Variants in PLCB3 observed in about 807,000 individuals in gnomAD.
PLCB3 encodes 1-phosphatidylinositol 4,5-bisphosphate phosphodiesterase beta-3.
A neutral mutation model predicts 152.1 loss-of-function variants in PLCB3; 54 were observed. The observed-to-expected ratio is 0.36, with a 90% CI of 0.29 to 0.45. The LOEUF (loss-of-function observed/expected upper bound fraction) is 0.45, where lower values mean the gene tolerates loss of function less well. Among genes scored for constraint, PLCB3 ranks in the 20% least tolerant of loss-of-function variants. The pLI, the probability that PLCB3 is intolerant of heterozygous loss-of-function variation, is 1.00. For missense variants in PLCB3, 1,248 were observed against 1,687.5 expected, an observed-to-expected ratio of 0.74 and a Z score of 4.56; for synonymous variants, 717 against 698.7, an observed-to-expected ratio of 1.03 and a Z score of -0.41.
In PLCB3 at chr11:64,251,530, A is replaced by G. The variant is rs1591095909; in HGVS notation, c.-120A>G. ...GCCGAGGCTCTGGTCGGTCCGGGAC[A>G]GACTGGCGGGCGGGCGGGCACTGAC... On this transcript the variant is annotated 5_prime_UTR_variant, in exon 1 of 31. Coordinates refer to ENST00000279230, the MANE Select transcript of PLCB3 (RefSeq NM_000932.5). 1 of 263,928 alleles carries G rather than the reference A, an allele frequency of 3.8e-6. No homozygotes were observed. The highest frequency in any genetic ancestry group is 6.1e-5 in the Admixed American group (1 of 16,494). 16.3% of individuals were successfully genotyped at this position (263,928 alleles called of 1,614,324 possible). A position where few individuals can be genotyped will look rare whatever the true frequency, so the allele number is the denominator to read the frequency against.
At chr11:64,253,457 G>A (rs559431004) in intron 1 of PLCB3, among the ~76,000 whole-genome samples, 13 of 152,316 alleles carry the variant, frequency 8.5e-5, no homozygotes, top group Admixed American at 5.9e-4. Flanking sequence ...GGCGGTGTGC[G>A]TATATGAGAT....
chr11:64,251,811 C>T, intron 1 of PLCB3, 63 bp downstream of exon 1: 1 of 990,068 alleles, frequency 1.0e-6, no homozygotes, highest in South Asian at 2.5e-5. Flanking sequence ...CTCGACCAGA[C>T]GCTGGGGACC....
chr11:64,266,356 A>G lies in PLCB3; in HGVS notation c.3308A>G (p.His1103Arg). ...ELQKILDRKRHNSISEAKMRD... is the reference protein window; with the variant it reads ...ELQKILDRKRRNSISEAKMRD... ...CAGAAGATCCTGGACAGAAAGCGCC[A>G]TAACAGCATCTCGGAGGCCAAGATG... is the stretch of plus-strand genomic sequence containing the variant. The change falls in exon 28 of 31, where the codon CAT becomes CGT. Residue 1103 changes from histidine to arginine, a missense_variant. This residue lies in a region of PLCB3 where 477 missense variants were observed against 489.6 expected (regional missense o/e 0.97). Coordinates refer to ENST00000279230, the MANE Select transcript of PLCB3 (RefSeq NM_000932.5). The surrounding 1 kb of genome is among the most constrained non-coding windows in gnomAD (Gnocchi z 4.9). The G allele has an allele frequency of 6.2e-7, 1 of 1,613,180 alleles. No individual in the cohort carries two copies. Among genetic ancestry groups the G allele is most frequent in the East Asian group, 2.2e-5 (1 of 44,844 alleles).
chr11:64,266,678 A>G lies in PLCB3; in HGVS notation c.3414+126A>G. On this transcript the variant is annotated intron_variant, in intron 29 of 30. Coordinates refer to ENST00000279230, the MANE Select transcript of PLCB3 (RefSeq NM_000932.5). The surrounding 1 kb of genome is among the most constrained non-coding windows in gnomAD (Gnocchi z 4.9). ...TTCTAGGGCCTTTCTCAAGTGCCCA[A>G]CAGCCCCAGGGTACCCACATCATAC... is the stretch of plus-strand genomic sequence containing the variant. 1 of 891,850 alleles carries G rather than the reference A, an allele frequency of 1.1e-6. No individual in the cohort carries two copies. The allele number at this position is 891,850 out of a possible 1,614,324, so 55.2% of individuals were successfully genotyped here. A position where few individuals can be genotyped will look rare whatever the true frequency, so the allele number is the denominator to read the frequency against.
Position 64,266,182 on chromosome 11 carries a change from G to A in PLCB3, c.3246G>A (p.Arg1082=), listed in dbSNP as rs2032111632. The part of the protein sequence containing the change: ...VLDANTTQFK[R]LKEMNEREKK... Reference sequence around the variant, plus strand: ...ATGCAAACACAACTCAGTTCAAGAGGCTGAAAGAGATGAACGAGAGGTGAA... The same window carrying A: ...ATGCAAACACAACTCAGTTCAAGAGACTGAAAGAGATGAACGAGAGGTGAA... The change falls in exon 27 of 31, where the codon AGG becomes AGA. Residue 1082 remains arginine, a synonymous_variant. Transcript: ENST00000279230. This position sits in a 1 kb window ranked among gnomAD's most constrained non-coding sequence, Gnocchi z 4.9. The A allele has an allele frequency of 1.2e-6, 2 of 1,614,000 alleles. No individual in the cohort carries two copies. The highest frequency in any genetic ancestry group is 3.3e-5 in the Admixed American group (2 of 59,996).
Position 64,263,477 on chromosome 11 carries a change from C to T in PLCB3, c.2356-21C>T, listed in dbSNP as rs776080263. ...GTGGCCCAGGGTCAGCCCTGTGGCT[C>T]AGCTCCAGTCTGGCCCACAGGTGGT... On this transcript the variant is annotated intron_variant, in intron 19 of 30. Transcript: ENST00000279230. 1.3e-5 allele frequency: 19 copies of T among 1,514,026 alleles called. No homozygotes were observed. In the African/African-American group the frequency reaches 2.3e-4, roughly 19 times the overall value. The allele number at this position is 1,514,026 out of a possible 1,614,324, so 93.8% of individuals were successfully genotyped here. A position where few individuals can be genotyped will look rare whatever the true frequency, so the allele number is the denominator to read the frequency against.
chr11:64,261,778 C>T (rs2031865445), intron 16 of PLCB3, 113 bp downstream of exon 16: 1 of 1,386,168 alleles, frequency 7.2e-7, no homozygotes, highest in African/African-American at 1.4e-5. Flanking sequence ...CCTCCGGCGG[C>T]CCTCCTGCAC....
Position 64,262,088 on chromosome 11 carries a change from C to T in PLCB3, c.2038+12C>T. On this transcript the variant is annotated intron_variant, in intron 17 of 30. Coordinates refer to ENST00000279230, the MANE Select transcript of PLCB3 (RefSeq NM_000932.5). ...CTTCCAGACCCTCGGTGAGCCCTGG[C>T]CCCCTCCATCTTGACCCCGACCCTC... 1.9e-6 allele frequency: 3 copies of T among 1,613,956 alleles called. No homozygotes were observed. Among genetic ancestry groups the T allele is most frequent in the East Asian group, 2.2e-5 (1 of 44,886 alleles).
Position 64,266,383 on chromosome 11 carries a change from G to A in PLCB3, c.3335G>A (p.Arg1112Lys). 6.2e-7 allele frequency: 1 copy of A among 1,609,216 alleles called. No homozygotes were observed. Among genetic ancestry groups the A allele is most frequent in the Non-Finnish European group, 8.5e-7 (1 of 1,175,832 alleles). The change falls in exon 28 of 31, where the codon AGG becomes AAG. Residue 1112 changes from arginine to lysine, a missense_variant. By Grantham distance (26) the Arg-to-Lys change is conservative. This residue lies in a region of PLCB3 where 477 missense variants were observed against 489.6 expected (regional missense o/e 0.97). Coordinates refer to ENST00000279230, the MANE Select transcript of PLCB3 (RefSeq NM_000932.5). The surrounding 1 kb of genome is among the most constrained non-coding windows in gnomAD (Gnocchi z 4.9). ...RHNSISEAKMRDKHKKEAELT... is the reference protein window; with the variant it reads ...RHNSISEAKMKDKHKKEAELT... ...AACAGCATCTCGGAGGCCAAGATGA[G>A]GGACAAGCATAAGAAGGAGGCGTAA...
At position 64,254,832 on chromosome 11, in the gene PLCB3, G is replaced by T. The variant is rs1277846761; in HGVS notation, c.246+16G>T. ...CCTGCCCAAGGTGAGTGATGAGCCT[G>T]GGAGTGAAGACCACAGCGAGGCTGT... On this transcript the variant is annotated intron_variant, in intron 3 of 30. Transcript: ENST00000279230. 6.2e-7 allele frequency: 1 copy of T among 1,613,896 alleles called. No homozygotes were observed. Among genetic ancestry groups the T allele is most frequent in the Admixed American group, 1.7e-5 (1 of 60,022 alleles).
At chr11:64,263,056 C>A (rs766813744) in intron 19 of PLCB3, among the ~76,000 whole-genome samples, 2 of 152,154 alleles carry the variant, frequency 1.3e-5, no homozygotes, top group African/African-American at 2.4e-5. Flanking sequence ...GTGTCCCCTG[C>A]GAGGAGTGGA....
At position 64,265,971 on chromosome 11, in the gene PLCB3, A is replaced by G; in HGVS notation, c.3121A>G (p.Ser1041Gly). ...GGAGTTCCAGAACAGACAGGTGCAG[A>G]GCCTGCTGGAGCTGCGGGAGGCCCA... ...YQEFQNRQVQ[S>G]LLELREAQVD... Residue 1041 changes from serine (S) to glycine (G), a missense_variant, in exon 26 of 31, where the codon AGC becomes GGC. Transcript: ENST00000279230. The G allele has an allele frequency of 6.2e-7, 1 of 1,613,990 alleles. No individual in the cohort carries two copies. The highest frequency in any genetic ancestry group is 8.5e-7 in the Non-Finnish European group (1 of 1,179,986).
At chr11:64,269,216 C>G (rs1317494), downstream of PLCB3, 33,582 of 152,426 alleles carry the variant, frequency 0.22, 4,714 homozygotes, top group Non-Finnish European at 0.32. Flanking sequence ...GGGGGATGAC[C>G]CTCACCTCAC....
rs780909572 is a variant in PLCB3 at position 64,265,913 on chromosome 11, G to A, written c.3063G>A (p.Thr1021=). The change falls in exon 26 of 31, where the codon ACG becomes ACA. Residue 1021 remains threonine, a synonymous_variant. Coordinates refer to ENST00000279230, the MANE Select transcript of PLCB3 (RefSeq NM_000932.5). Reference sequence around the variant, plus strand: ...GTGGGGCCGCTGATGTGGAGGACACGAAGGAGGGGGAGGACGAGGCAAAGC... The same window carrying A: ...GTGGGGCCGCTGATGTGGAGGACACAAAGGAGGGGGAGGACGAGGCAAAGC... ...ALGGAADVED[T]KEGEDEAKRY... is the part of the protein sequence containing the mutation. 8.7e-6 allele frequency: 14 copies of A among 1,613,188 alleles called. No individual in the cohort carries two copies. Among genetic ancestry groups the A allele is most frequent in the South Asian group, 3.3e-5 (3 of 91,050 alleles).
intron 14 of PLCB3, among the ~76,000 whole-genome samples, chr11:64,261,094 G>T (rs1326786253): frequency 6.6e-6 from 1 of 152,108 alleles, no homozygotes; most frequent in Non-Finnish European, 1.5e-5. Context: ...ACCTGAGGTT[G>T]GGAGGTTCCA....
intron 16 of PLCB3, 143 bp from the exon 17 acceptor site, chr11:64,261,809 G>A: frequency 6.9e-7 from 1 of 1,444,362 alleles, no homozygotes; most frequent in Non-Finnish European, 9.6e-7. Flanking sequence ...GGCTTGGGCA[G>A]ATCCAGGCAG....
downstream of PLCB3, chr11:64,269,021 C>T (rs2032290149): frequency 2.0e-5 from 3 of 152,366 alleles, no homozygotes; most frequent in Non-Finnish European, 4.4e-5. Flanking sequence ...ATCTAGGCTC[C>T]TCAGCAGCCA....
Position 64,254,400 on chromosome 11 carries a change from C to A in PLCB3, c.100-15C>A. On this transcript the variant is annotated splice_polypyrimidine_tract_variant and intron_variant, in intron 1 of 30. Coordinates refer to ENST00000279230, the MANE Select transcript of PLCB3 (RefSeq NM_000932.5). ...CCCTCACTTCCTGACCCCTGCTGCC[C>A]TGTGCTGTCCTCAGGAGACCTCCAG... 6.2e-7 allele frequency: 1 copy of A among 1,610,530 alleles called. No homozygotes were observed. Among genetic ancestry groups the A allele is most frequent in the African/African-American group, 1.3e-5 (1 of 74,992 alleles).
rs1405154948 is a variant in PLCB3 at position 64,267,310 on chromosome 11, A to G, written c.3501+39A>G. The G allele has an allele frequency of 1.2e-5, 19 of 1,550,498 alleles. No individual in the cohort carries two copies. The highest frequency in any genetic ancestry group is 2.0e-5 in the Admixed American group (1 of 50,998). ...CGAACAGGTGGGCAGACGGGGTGCA[A>G]GGCAGCCAGGCCTCGCCTGTGATGC... is the stretch of plus-strand genomic sequence containing the variant. On this transcript the variant is annotated intron_variant, in intron 30 of 30. Coordinates refer to ENST00000279230, the MANE Select transcript of PLCB3 (RefSeq NM_000932.5). The surrounding 1 kb of genome is among the most constrained non-coding windows in gnomAD (Gnocchi z 5.2).
Sources: gnomAD v4.1 joint callset for allele counts (sites outside exome capture counted in the v4.1 genomes callset) on GRCh38, gnomAD v4.1.1 for gene constraint, gnomAD v4.1.1 regional missense constraint, Gnocchi (gnomAD v3.1) non-coding constraint, MANE v1.5 for transcripts, NCBI Gene and HGNC (gene_info 2026-07-23, HGNC 2026-07-21) for gene names.